XG: variants seen among roughly 807,000 people sequenced by gnomAD.
The protein encoded by XG is Xg glycoprotein (Xg blood group).
A neutral mutation model predicts 25.7 loss-of-function variants in XG; 24 were observed. The observed-to-expected ratio is 0.93, with a 90% confidence interval of 0.68 to 1.31. The LOEUF (loss-of-function observed/expected upper bound fraction) is 1.31. XG is among the 40% of genes most tolerant of loss of function. XG has a pLI of 0.00. For synonymous variants in XG, 77 were observed against 69.2 expected, an observed-to-expected ratio of 1.11 and a Z score of -0.56; for missense variants, 181 against 187.6, an observed-to-expected ratio of 0.96 and a Z score of 0.21.
chrX:2,763,126 C>T (rs2050601651), intron 1 of XG, among the ~76,000 whole-genome samples: 1 of 152,182 alleles, frequency 6.6e-6, no homozygotes, highest in Non-Finnish European at 1.5e-5. Flanking sequence ...AAGTGATTCT[C>T]ATGCATCAGC....
intron 2 of XG, among the ~76,000 whole-genome samples, 161 bp downstream of exon 2, chrX:2,770,752 T>C (rs1312317517): frequency 1.3e-5 from 2 of 152,144 alleles, no homozygotes; most frequent in Non-Finnish European, 2.9e-5. Context: ...GAGACAAACC[T>C]TTACACACTC....
In XG at chrX:2,779,264, A is replaced by C. The variant is rs1299894178; in HGVS notation, c.128-2802A>C. On this transcript the variant is annotated intron_variant, in intron 3 of 10. Coordinates refer to ENST00000644266, the MANE Select transcript of XG (RefSeq NM_001141919.2). ...GGCATAAGAATCACTTGAGCTCGAGAGGTGGAGGTTGCAGTGAGCCGAGAT... is the reference window on the plus strand; with the variant it reads ...GGCATAAGAATCACTTGAGCTCGAGCGGTGGAGGTTGCAGTGAGCCGAGAT... Among the ~76,000 whole-genome samples the C allele has an allele frequency of 2.0e-5, 3 of 150,406 alleles. No individual in the cohort carries two copies. In the East Asian group the frequency reaches 5.9e-4, roughly 30 times the overall value.
chrX:2,771,717 T>C (rs902173402), intron 2 of XG, among the ~76,000 whole-genome samples: 3 of 152,226 alleles, frequency 2.0e-5, no homozygotes, highest in African/African-American at 7.2e-5. Flanking sequence ...AGTTACATAA[T>C]GGTGTTTGTT....
chrX:2,767,817 C>T (rs948583943), intron 1 of XG, among the ~76,000 whole-genome samples: 18 of 152,140 alleles, frequency 1.2e-4, no homozygotes, highest in African/African-American at 3.6e-4. Context: ...GGCCGGAGTC[C>T]GCCTGGTTTA....
At chrX:2,754,949 C>T (rs913266815) in intron 1 of XG, among the ~76,000 whole-genome samples, 20 of 152,132 alleles carry the variant, frequency 1.3e-4, no homozygotes, top group Non-Finnish European at 2.4e-4. Flanking sequence ...CAGTATTAAC[C>T]GTCACAGATA....
At position 2,812,288 on chromosome X, in the gene XG, A is replaced by T. The variant is rs376162449; in HGVS notation, c.571+836A>T. 1.7e-4 allele frequency among the ~76,000 whole-genome samples: 19 copies of T among 111,834 alleles called. No individual in the cohort carries two copies. In the South Asian group the frequency reaches 4.5e-3, roughly 27 times the overall value. On this transcript the variant is annotated intron_variant, in intron 10 of 10. Transcript: ENST00000644266. ...GGCTTCCTGGTTCAATGCCGGCTCC[A>T]CACTCCTGGGTTTGAAGAATCACTT...
chrX:2,783,438 T>C (rs1292364288), intron 4 of XG, among the ~76,000 whole-genome samples: 1 of 111,760 alleles, frequency 8.9e-6, no homozygotes, highest in Non-Finnish European at 1.9e-5. Context: ...CCATTAAAGT[T>C]ATCAGCAGTT....
At chrX:2,758,611 A>T (rs1243715074) in intron 1 of XG, among the ~76,000 whole-genome samples, 1 of 152,160 alleles carries the variant, frequency 6.6e-6, no homozygotes, top group East Asian at 1.9e-4. Context: ...TCAACCAGGG[A>T]TCATGTTTAT....
intron 5 of XG, among the ~76,000 whole-genome samples, chrX:2,790,486 C>T (rs1394571136): frequency 1.2e-5 from 1 of 82,930 alleles, no homozygotes; most frequent in Non-Finnish European, 2.3e-5. Flanking sequence ...GGAGACAGAG[C>T]GAGCCCCTGT....
intron 1 of XG, among the ~76,000 whole-genome samples, chrX:2,766,353 A>G (rs766801806): frequency 1.3e-5 from 2 of 151,902 alleles, no homozygotes; most frequent in African/African-American, 2.4e-5. Context: ...GTTGGCCAGG[A>G]TGGTCTCGAT....
intron 4 of XG, among the ~76,000 whole-genome samples, chrX:2,782,585 A>G (rs2086741045): frequency 9.0e-6 from 1 of 110,843 alleles, no homozygotes; most frequent in Non-Finnish European, 1.9e-5. Flanking sequence ...TTGGAAAGGG[A>G]ACCATAGGGG....
chrX:2,810,840 C>T (rs1343096877), intron 9 of XG, among the ~76,000 whole-genome samples: 1 of 110,875 alleles, frequency 9.0e-6, no homozygotes, highest in Non-Finnish European at 1.9e-5. Context: ...CGCTTGAACC[C>T]GGGAGAAGGA....
At chrX:2,786,243 G>A (rs1461345478) in intron 4 of XG, among the ~76,000 whole-genome samples, 2 of 83,988 alleles carry the variant, frequency 2.4e-5, no homozygotes, top group East Asian at 3.6e-4. Context: ...GACCCCAGCA[G>A]CTCCTATCCA....
At chrX:2,811,008 AGTGCCTC>A (rs2087050207) in intron 9 of XG, among the ~76,000 whole-genome samples, 1 of 112,012 alleles carries the variant, frequency 8.9e-6, no homozygotes, top group Non-Finnish European at 1.9e-5. Flanking sequence ...AAAAATGCCA[AGTGCCTC>A]GTCTGTGCAA....
intron 1 of XG, 49 bp from the exon 2 acceptor site, chrX:2,770,501 T>C (rs2535443): frequency 0.47 from 759,728 of 1,609,942 alleles, 181,642 homozygotes; most frequent in South Asian, 0.63. Context: ...CAAGGGGGAT[T>C]CTGGCCTTTC....
At chrX:2,757,289 T>C (rs1321941623) in intron 1 of XG, among the ~76,000 whole-genome samples, 2 of 152,026 alleles carry the variant, frequency 1.3e-5, no homozygotes, top group Non-Finnish European at 1.5e-5. Context: ...TGGGGTTATA[T>C]GGGTACAGGA....
intron 2 of XG, among the ~76,000 whole-genome samples, chrX:2,773,157 C>CGG (rs1556365230): frequency 7.1e-6 from 1 of 141,476 alleles, no homozygotes; most frequent in Non-Finnish European, 1.5e-5. Context: ...CAGAGGAAAA[C>CGG]AGGGAGGGAG....
rs768886111 is a variant in XG, at chrX:2,766,844, T to C, written c.62-3706T>C. ...CCTCCCAAAGTGCTGGGATTACAGG[T>C]GTGAGCCACCGCGCCCAGCCTGTGC... On this transcript the variant is annotated intron_variant, in intron 1 of 10. Transcript: ENST00000644266. Among the ~76,000 whole-genome samples, 31 of 151,800 alleles carry C rather than the reference T, an allele frequency of 2.0e-4. No individual in the cohort carries two copies. The South Asian group carries it at 2.1e-3, about 10-fold the overall frequency.
At chrX:2,760,274 G>C (rs1169778461) in intron 1 of XG, among the ~76,000 whole-genome samples, 1 of 152,048 alleles carries the variant, frequency 6.6e-6, no homozygotes, top group Non-Finnish European at 1.5e-5. Flanking sequence ...CCCAAACCCT[G>C]GTTATCTCCA....
Sources: gnomAD v4.1 joint callset for allele counts (sites outside exome capture counted in the v4.1 genomes callset) on GRCh38, gnomAD v4.1.1 for gene constraint, MANE v1.5 for transcripts, NCBI Gene and HGNC (gene_info 2026-07-23, HGNC 2026-07-21) for gene names.